The following BMPR1B variants were observed in gnomAD, a reference collection of about 807,000 sequenced individuals.
BMPR1B encodes the protein bone morphogenetic protein receptor type-1B.
BMPR1B carries 12 observed loss-of-function variants against 59.1 expected under a neutral mutation model. That is an observed-to-expected ratio of 0.20 (90% CI 0.13 to 0.33). The LOEUF (loss-of-function observed/expected upper bound fraction) is 0.33. BMPR1B is among the 10% of genes least tolerant of loss of function. The probability of loss-of-function intolerance (pLI) is 1.00; values close to 1 mark genes in which losing one functional copy is unlikely to be tolerated. For synonymous variants in BMPR1B, 237 were observed against 207.3 expected (o/e 1.14, Z -1.23); for missense variants, 550 against 610.9 (o/e 0.90, Z 1.05).
chr4:94,973,952 C>T (rs151073434), intron 2 of BMPR1B, among the ~76,000 whole-genome samples: 1,907 of 152,132 alleles, frequency 0.013, 15 homozygotes, highest in Non-Finnish European at 0.019. Context: ...GTTACAATGT[C>T]GACATTTTAA....
intron 3 of BMPR1B, among the ~76,000 whole-genome samples, chr4:95,026,130 C>CTTTCTTTCTT (rs1560603016): frequency 4.1e-5 from 6 of 146,552 alleles, no homozygotes; most frequent in African/African-American, 1.5e-4. Flanking sequence ...TTCTTTCTTT[C>CTTTCTTTCTT]TTTCTTTCTT....
At chr4:95,103,235 TA>T (rs897298877) in intron 3 of BMPR1B, among the ~76,000 whole-genome samples, 9 of 151,934 alleles carry the variant, frequency 5.9e-5, no homozygotes, top group African/African-American at 1.4e-4. Context: ...TATCACAGAT[TA>T]AAAAAAATAG....
At position 94,824,425 on chromosome 4, in the gene BMPR1B, G is replaced by A. The variant is rs576758313; in HGVS notation, c.-182-51406G>A. ...CACTGTGAGCATGTGAACAGAGCAA[G>A]TATCTTAATCACTTATGGAGCTTCC... On this transcript the variant is annotated intron_variant, in intron 1 of 12. Transcript: ENST00000515059. Among the ~76,000 whole-genome samples the A allele has an allele frequency of 7.2e-5, 11 of 152,324 alleles. No individual in the cohort carries two copies. In the South Asian group the frequency reaches 2.3e-3, roughly 32 times the overall value.
chr4:95,112,289 T>C (rs560248067), intron 4 of BMPR1B, among the ~76,000 whole-genome samples: 1 of 152,218 alleles, frequency 6.6e-6, no homozygotes, highest in South Asian at 2.1e-4. Context: ...ACAATCTCTA[T>C]ACAAAACTAA....
intron 1 of BMPR1B, among the ~76,000 whole-genome samples, chr4:94,868,956 A>G (rs1165759823): frequency 6.6e-6 from 1 of 152,174 alleles, no homozygotes; most frequent in Non-Finnish European, 1.5e-5. Flanking sequence ...GTGTCTCCAT[A>G]GAGTCCTCAT....
intron 1 of BMPR1B, among the ~76,000 whole-genome samples, chr4:94,836,372 C>T (rs4521350): frequency 0.18 from 22,562 of 124,582 alleles, 2,413 homozygotes; most frequent in East Asian, 0.28. Flanking sequence ...TACAGTCCCA[C>T]CAACAGTGTA....
Position 94,976,093 on chromosome 4 carries a change from T to A in BMPR1B, c.-112-19947T>A, listed in dbSNP as rs914033651. Among the ~76,000 whole-genome samples the A allele has an allele frequency of 6.5e-4, 99 of 152,244 alleles. 2 individuals are homozygous for A. The highest frequency in any genetic ancestry group is 3.5e-4 in the Non-Finnish European group (24 of 68,052). ...GAGTTGGAATAGCAAGTGGCTGAAGTAGCTGGGGCTAGTCAGACACTTCTC... is the reference window on the plus strand; with the variant it reads ...GAGTTGGAATAGCAAGTGGCTGAAGAAGCTGGGGCTAGTCAGACACTTCTC... On this transcript the variant is annotated intron_variant, in intron 2 of 12. Transcript: ENST00000515059.
intron 8 of BMPR1B, among the ~76,000 whole-genome samples, chr4:95,127,660 T>C (rs535596600): frequency 6.6e-6 from 1 of 152,150 alleles, no homozygotes; most frequent in Non-Finnish European, 1.5e-5. Context: ...TTTCCTTGTT[T>C]GGAAATGGAG....
chr4:94,847,964 T>C (rs1278924289), intron 1 of BMPR1B, among the ~76,000 whole-genome samples: 1 of 152,122 alleles, frequency 6.6e-6, no homozygotes, highest in East Asian at 1.9e-4. Flanking sequence ...ATGCTTAAGG[T>C]ATTGGTTACC....
intron 10 of BMPR1B, among the ~76,000 whole-genome samples, chr4:95,144,418 A>G (rs1734483194): frequency 6.6e-6 from 1 of 151,982 alleles, no homozygotes; most frequent in Non-Finnish European, 1.5e-5. Context: ...CAAGCAAGCA[A>G]TCCACCTGCC....
intron 2 of BMPR1B, among the ~76,000 whole-genome samples, chr4:94,964,051 T>C (rs1488714415): frequency 6.6e-6 from 1 of 152,174 alleles, no homozygotes; most frequent in Non-Finnish European, 1.5e-5. Flanking sequence ...TTCACTTCTT[T>C]GGTTAAGTTT....
chr4:95,082,917 A>G (rs561028136), intron 3 of BMPR1B, among the ~76,000 whole-genome samples: 3 of 151,284 alleles, frequency 2.0e-5, no homozygotes, highest in Non-Finnish European at 2.9e-5. Context: ...GGGCGCCTGT[A>G]GTCCCAGCTA....
At chr4:94,860,459 C>A (rs925598974) in intron 1 of BMPR1B, among the ~76,000 whole-genome samples, 2 of 152,112 alleles carry the variant, frequency 1.3e-5, no homozygotes, top group Admixed American at 6.5e-5. Context: ...ATTCCTACAT[C>A]TGGAAAAGCA....
chr4:95,018,253 C>A (rs1447948279), intron 3 of BMPR1B, among the ~76,000 whole-genome samples: 4 of 152,038 alleles, frequency 2.6e-5, no homozygotes, highest in Non-Finnish European at 5.9e-5. Flanking sequence ...TTTTAGGTAT[C>A]CAGAATAATG....
intron 3 of BMPR1B, among the ~76,000 whole-genome samples, chr4:95,077,481 A>G (rs1187382395): frequency 6.6e-6 from 1 of 152,058 alleles, no homozygotes; most frequent in Non-Finnish European, 1.5e-5. Flanking sequence ...GGATTATTTC[A>G]TGAATTATTA....
intron 3 of BMPR1B, among the ~76,000 whole-genome samples, chr4:95,003,459 T>C (rs1330724123): frequency 6.6e-6 from 1 of 152,182 alleles, no homozygotes; most frequent in African/African-American, 2.4e-5. Flanking sequence ...TGGAACATGT[T>C]AGGGTGGTGG....
chr4:94,833,328 T>C (rs890818387), intron 1 of BMPR1B, among the ~76,000 whole-genome samples: 3 of 152,176 alleles, frequency 2.0e-5, no homozygotes, highest in Non-Finnish European at 4.4e-5. Flanking sequence ...TATTAGCAAT[T>C]ACCATTTTTC....
At chr4:94,828,701 A>G (rs930319503) in intron 1 of BMPR1B, among the ~76,000 whole-genome samples, 58 of 152,086 alleles carry the variant, frequency 3.8e-4, no homozygotes, top group African/African-American at 1.3e-3. Context: ...CTCATCCTCA[A>G]AGTGAGGTCC....
intron 3 of BMPR1B, among the ~76,000 whole-genome samples, chr4:95,030,702 C>G (rs1216695242): frequency 2.0e-5 from 3 of 152,108 alleles, no homozygotes; most frequent in African/African-American, 7.2e-5. Flanking sequence ...GTACAAAAAT[C>G]ACAAGCATTC....
Sources: allele counts gnomAD v4.1 joint callset (sites outside exome capture counted in the v4.1 genomes callset), GRCh38; gene constraint gnomAD v4.1.1; transcripts MANE v1.5; gene names NCBI Gene and HGNC (gene_info 2026-07-23, HGNC 2026-07-21).